Variants in TFCP2 observed in about 807,000 individuals in gnomAD.
TFCP2 encodes the protein alpha-globin transcription factor CP2.
Under a neutral mutation model 73.4 loss-of-function variants are expected in TFCP2, and 33 were observed. The ratio of observed to expected loss-of-function variants is 0.45; its 90% CI spans 0.34 to 0.60. The LOEUF (loss-of-function observed/expected upper bound fraction) is 0.60, where lower values mean the gene tolerates loss of function less well. TFCP2 is among the 20% of genes least tolerant of loss of function. The pLI is 0.01. For synonymous variants in TFCP2, 193 were observed against 211.6 expected, an observed-to-expected ratio of 0.91 and a Z score of 0.76; for missense variants, 352 against 604.0, an observed-to-expected ratio of 0.58 and a Z score of 4.37.
intron 1 of TFCP2, among the ~76,000 whole-genome samples, chr12:51,149,576 C>T (rs1401190489): frequency 3.9e-5 from 6 of 151,998 alleles, no homozygotes; most frequent in Non-Finnish European, 7.4e-5. Flanking sequence ...AAATAGATTA[C>T]GTGTTAGATA....
Position 51,147,228 on chromosome 12 carries a change from A to G in TFCP2, c.122+25073T>C, listed in dbSNP as rs925059610. On this transcript the variant is annotated intron_variant, in intron 1 of 14. Coordinates refer to ENST00000257915, the MANE Select transcript of TFCP2 (RefSeq NM_005653.5). ...TGTGGTGACACATGCCTGTAATCCC[A>G]GCTACTCGGGAGGCTGAGGCAGGAG... 3.9e-5 allele frequency among the ~76,000 whole-genome samples: 6 copies of G among 152,164 alleles called. No homozygotes were observed. In the Middle Eastern group the frequency reaches 0.01, roughly 259 times the overall value.
At position 51,172,971 on chromosome 12, in the gene TFCP2, T is replaced by A. The variant is rs903315582; in HGVS notation, c.-549A>T. ...CACGGCTTAGAACCAAATCCAGGTT[T>A]CCGCTGAGCCGACTTCTCGCCCTCT... On this transcript the variant is annotated 5_prime_UTR_variant, in exon 1 of 15. Transcript: ENST00000257915. 6.5e-6 allele frequency: 1 copy of A among 154,876 alleles called. No individual in the cohort carries two copies. The highest frequency in any genetic ancestry group is 2.4e-5 in the African/African-American group (1 of 41,446). The allele number at this position is 154,876 out of a possible 1,614,324, so 9.6% of individuals were successfully genotyped here. A position where few individuals can be genotyped will look rare whatever the true frequency, so the allele number is the denominator to read the frequency against.
chr12:51,107,414 A>T, intron 6 of TFCP2, 68 bp from the exon 7 acceptor site: 1 of 1,302,110 alleles, frequency 7.7e-7, no homozygotes, highest in Non-Finnish European at 1.1e-6. Flanking sequence ...TGCTTCCAAA[A>T]ACTTAAATAT....
intron 13 of TFCP2, 125 bp downstream of exon 13, chr12:51,098,651 A>T (rs1342475624): frequency 2.6e-6 from 3 of 1,169,142 alleles, no homozygotes; most frequent in Non-Finnish European, 3.5e-6. Context: ...GGAGGAAAGC[A>T]AGCAAAAAAG....
chr12:51,141,690 A>G (rs1204251073), intron 1 of TFCP2, among the ~76,000 whole-genome samples: 1 of 151,630 alleles, frequency 6.6e-6, no homozygotes, highest in African/African-American at 2.4e-5. Flanking sequence ...ACTTGAGGCC[A>G]GGAGCTAGAG....
intron 1 of TFCP2, among the ~76,000 whole-genome samples, chr12:51,141,052 T>C (rs1312247239): frequency 2.0e-5 from 3 of 151,450 alleles, no homozygotes; most frequent in Admixed American, 1.3e-4. Flanking sequence ...TGAGACTCTG[T>C]CTAAAAAATA....
chr12:51,167,518 G>A (rs1455625336), intron 1 of TFCP2, among the ~76,000 whole-genome samples: 2 of 151,852 alleles, frequency 1.3e-5, no homozygotes, highest in African/African-American at 2.4e-5. Flanking sequence ...TCAGCCTCCC[G>A]AGTAGCTGAG....
chr12:51,131,165 T>TA (rs1161007748), intron 1 of TFCP2, among the ~76,000 whole-genome samples: 4,784 of 133,340 alleles, frequency 0.036, 202 homozygotes, highest in African/African-American at 0.11. Flanking sequence ...CCATCTCTAC[T>TA]AAAAAAAAAA....
chr12:51,163,311 C>T (rs4768971), intron 1 of TFCP2, among the ~76,000 whole-genome samples: 22,277 of 151,668 alleles, frequency 0.15, 1,823 homozygotes, highest in Admixed American at 0.23. Context: ...GTAATAAGGC[C>T]GGGCGCGGTG....
chr12:51,138,042 T>C (rs1297877664), intron 1 of TFCP2, among the ~76,000 whole-genome samples: 1 of 152,188 alleles, frequency 6.6e-6, no homozygotes, highest in East Asian at 1.9e-4. Flanking sequence ...GGCTTCAAAG[T>C]AGGACAATCT....
intron 1 of TFCP2, among the ~76,000 whole-genome samples, chr12:51,143,675 A>C (rs1941233536): frequency 6.6e-6 from 1 of 152,162 alleles, no homozygotes; most frequent in Non-Finnish European, 1.5e-5. Context: ...AAAGAGAAGC[A>C]TGGAGGTGTT....
chr12:51,162,331 C>T (rs1015570252), intron 1 of TFCP2, among the ~76,000 whole-genome samples: 43 of 151,712 alleles, frequency 2.8e-4, no homozygotes, highest in African/African-American at 9.9e-4. Flanking sequence ...CTGTAGTCCC[C>T]GCTACGCAGG....
At chr12:51,164,360 A>T (rs1317522128) in intron 1 of TFCP2, among the ~76,000 whole-genome samples, 1 of 152,216 alleles carries the variant, frequency 6.6e-6, no homozygotes, top group Non-Finnish European at 1.5e-5. Context: ...GCACTTTGGG[A>T]GGCCGAGGCG....
intron 1 of TFCP2, among the ~76,000 whole-genome samples, chr12:51,122,725 C>T (rs1275712847): frequency 6.6e-6 from 1 of 152,020 alleles, no homozygotes; most frequent in Non-Finnish European, 1.5e-5. Context: ...ATTATTGTTC[C>T]CTTCAGACTA....
intron 11 of TFCP2, among the ~76,000 whole-genome samples, 153 bp from the exon 12 acceptor site, chr12:51,099,932 G>T (rs1940068993): frequency 6.6e-6 from 1 of 152,000 alleles, no homozygotes; most frequent in African/African-American, 2.4e-5. Flanking sequence ...TGTTTTATTA[G>T]TTCCCCAGTA....
At chr12:51,160,094 G>C (rs1010131859) in intron 1 of TFCP2, among the ~76,000 whole-genome samples, 2 of 150,284 alleles carry the variant, frequency 1.3e-5, no homozygotes, top group African/African-American at 4.9e-5. Flanking sequence ...CAGATTTCTG[G>C]TACCTCCTAC....
At chr12:51,142,136 G>A (rs1055759876) in intron 1 of TFCP2, among the ~76,000 whole-genome samples, 2 of 132,858 alleles carry the variant, frequency 1.5e-5, no homozygotes, top group African/African-American at 5.6e-5. Context: ...TCCCCAAGGC[G>A]GAGATTGCAG....
rs1940591970 is a variant in TFCP2, at chr12:51,118,731, C to G, written c.164G>C (p.Ser55Thr). 6.2e-7 allele frequency: 1 copy of G among 1,614,024 alleles called. No individual in the cohort carries two copies. Among genetic ancestry groups the G allele is most frequent in the South Asian group, 1.1e-5 (1 of 91,094 alleles). ...ALPIFKQEES[S>T]LPPDNENKIL... ...TTTATTCTCATTATCAGGAGGCAAA[C>G]TCGACTCTTCTTGCTTAAAAATGGG... Residue 55 changes from serine to threonine, a missense_variant, in exon 2 of 15, where the codon AGT becomes ACT. Transcript: ENST00000257915.
chr12:51,161,765 A>C (rs1372235885), intron 1 of TFCP2, among the ~76,000 whole-genome samples: 2 of 130,802 alleles, frequency 1.5e-5, no homozygotes, highest in Non-Finnish European at 3.1e-5. Flanking sequence ...CATATCAAAA[A>C]AAAAAAAAAA....
Sources: gnomAD v4.1 joint callset for allele counts (sites outside exome capture counted in the v4.1 genomes callset) on GRCh38, gnomAD v4.1.1 for gene constraint, MANE v1.5 for transcripts, NCBI Gene and HGNC (gene_info 2026-07-23, HGNC 2026-07-21) for gene names.